TGFA: variants seen among roughly 807,000 people sequenced by gnomAD.
TGFA encodes the protein protransforming growth factor alpha.
Under a neutral mutation model 21.7 loss-of-function variants are expected in TGFA, and 12 were observed. The ratio of observed to expected loss-of-function variants is 0.55; its 90% confidence interval spans 0.35 to 0.90. TGFA has a LOEUF of 0.90. TGFA is among the 40% of genes least tolerant of loss of function. The pLI, the probability that TGFA is intolerant of heterozygous loss-of-function variation, is 0.01. For missense variants in TGFA, 178 were observed against 210.8 expected, an observed-to-expected ratio of 0.84 and a Z score of 0.96; for synonymous variants, 79 against 88.1, an observed-to-expected ratio of 0.90 and a Z score of 0.58.
chr2:70,508,329 C>T (rs1671990837), intron 2 of TGFA, among the ~76,000 whole-genome samples: 1 of 152,224 alleles, frequency 6.6e-6, no homozygotes, highest in African/African-American at 2.4e-5. Context: ...CCTGTAATCC[C>T]AGCTACTGGG....
intron 2 of TGFA, among the ~76,000 whole-genome samples, chr2:70,493,090 T>C (rs1671482372): frequency 6.6e-6 from 1 of 152,234 alleles, no homozygotes; most frequent in South Asian, 2.1e-4. Flanking sequence ...TTGATTATGG[T>C]TCCTGTGCTT....
At chr2:70,466,368 G>A (rs1559103104) in intron 2 of TGFA, among the ~76,000 whole-genome samples, 1 of 152,152 alleles carries the variant, frequency 6.6e-6, no homozygotes, top group South Asian at 2.1e-4. Flanking sequence ...TTAGCCGGGC[G>A]AGGTGACGGG....
intron 1 of TGFA, among the ~76,000 whole-genome samples, chr2:70,527,727 G>A (rs947520953): frequency 5.3e-5 from 8 of 152,188 alleles, no homozygotes; most frequent in African/African-American, 1.9e-4. Context: ...ATGCAGTGGG[G>A]TAAAGCTCTC....
chr2:70,472,049 C>T (rs562452728), intron 2 of TGFA, among the ~76,000 whole-genome samples: 169 of 152,184 alleles, frequency 1.1e-3, no homozygotes, highest in Middle Eastern at 6.8e-3. Flanking sequence ...CTCCCTTTCC[C>T]ACTCTATTGT....
intron 2 of TGFA, among the ~76,000 whole-genome samples, chr2:70,502,781 TTC>T (rs1159167211): frequency 6.6e-6 from 1 of 152,222 alleles, no homozygotes; most frequent in African/African-American, 2.4e-5. Flanking sequence ...TGTTATTGCT[TTC>T]TGTCTTTGTA....
intron 1 of TGFA, among the ~76,000 whole-genome samples, chr2:70,519,300 A>G (rs1302211924): frequency 2.0e-5 from 3 of 152,210 alleles, no homozygotes; most frequent in African/African-American, 7.2e-5. Context: ...GCATAAATAT[A>G]TAAAGAAATG....
chr2:70,513,923 A>C (rs1029682866), intron 2 of TGFA, among the ~76,000 whole-genome samples: 2 of 152,170 alleles, frequency 1.3e-5, no homozygotes, highest in African/African-American at 4.8e-5. Context: ...AGAAATCAGC[A>C]CCATTCACTC....
chr2:70,518,941 T>A (rs528282991), intron 1 of TGFA, among the ~76,000 whole-genome samples: 15 of 152,348 alleles, frequency 9.8e-5, no homozygotes, highest in Middle Eastern at 3.4e-3. Context: ...TGGGATCCTC[T>A]AAGCCAGACT....
chr2:70,496,282 A>T, intron 2 of TGFA, among the ~76,000 whole-genome samples: 1 of 151,986 alleles, frequency 6.6e-6, no homozygotes, highest in East Asian at 1.9e-4. Context: ...GTCATTCGTA[A>T]TCTTCACACT....
intron 2 of TGFA, among the ~76,000 whole-genome samples, chr2:70,473,313 G>A (rs552164900): frequency 6.6e-6 from 1 of 152,178 alleles, no homozygotes; most frequent in Non-Finnish European, 1.5e-5. Flanking sequence ...GCTTAGAGAA[G>A]TAAATGGTCT....
chr2:70,474,171 T>C (rs1670856064), intron 2 of TGFA, among the ~76,000 whole-genome samples: 1 of 152,164 alleles, frequency 6.6e-6, no homozygotes, highest in South Asian at 2.1e-4. Flanking sequence ...CTCCATATTA[T>C]CTCACCAAAC....
chr2:70,537,391 G>A (rs1004100458), intron 1 of TGFA, among the ~76,000 whole-genome samples: 3 of 152,188 alleles, frequency 2.0e-5, no homozygotes, highest in Non-Finnish European at 4.4e-5. Flanking sequence ...TAAATCAAAA[G>A]CTAGAAATGA....
intron 1 of TGFA, among the ~76,000 whole-genome samples, chr2:70,546,268 A>C (rs1673299031): frequency 6.6e-6 from 1 of 152,190 alleles, no homozygotes; most frequent in Non-Finnish European, 1.5e-5. Flanking sequence ...TGCCCTTTTA[A>C]ATTTAGTGTA....
Position 70,522,849 on chromosome 2 carries a change from C to A in TGFA, c.41-7937G>T, listed in dbSNP as rs1258108168. Among the ~76,000 whole-genome samples the A allele has an allele frequency of 2.6e-5, 4 of 152,204 alleles. No individual in the cohort carries two copies. In the East Asian group the frequency reaches 7.7e-4, roughly 29 times the overall value. On this transcript the variant is annotated intron_variant, in intron 1 of 5. Transcript: ENST00000295400. ...ATTCATTCAACAAGTGCTCACTGAG[C>A]ACCTGCTGCACCATTAGCGGGACAT... is the stretch of plus-strand genomic sequence containing the variant.
chr2:70,548,372 C>T (rs1673381320), intron 1 of TGFA, among the ~76,000 whole-genome samples: 1 of 152,180 alleles, frequency 6.6e-6, no homozygotes, highest in African/African-American at 2.4e-5. Flanking sequence ...CAAACCAGAA[C>T]ACAGTGGGGC....
chr2:70,520,814 C>T (rs2103872697), intron 1 of TGFA, among the ~76,000 whole-genome samples: 1 of 152,250 alleles, frequency 6.6e-6, no homozygotes, highest in South Asian at 2.1e-4. Context: ...CCAACCTCCA[C>T]CACTCTCCAC....
chr2:70,516,416 T>A (rs1248662687), intron 1 of TGFA, among the ~76,000 whole-genome samples: 4 of 152,224 alleles, frequency 2.6e-5, no homozygotes, highest in Non-Finnish European at 5.9e-5. Context: ...CGATGTTCCT[T>A]CCAACCTCTG....
Position 70,453,240 on chromosome 2 carries a change from G to A in TGFA, c.453C>T (p.Thr151=), listed in dbSNP as rs535119179. 9.9e-6 allele frequency: 16 copies of A among 1,613,780 alleles called. No individual in the cohort carries two copies. The highest frequency in any genetic ancestry group is 2.2e-5 in the East Asian group (1 of 44,896). The change falls in exon 5 of 6, where the codon ACC becomes ACT. Residue 151 remains threonine, a synonymous_variant. Coordinates refer to ENST00000295400, the MANE Select transcript of TGFA (RefSeq NM_003236.4). Reference sequence around the variant, plus strand: ...TACCTGTTTCTGAGTGGCAGCAAGCGGTTCTTCCCTTCAGGAGGGCGCTGG... The same window carrying A: ...TACCTGTTTCTGAGTGGCAGCAAGCAGTTCTTCCCTTCAGGAGGGCGCTGG... ...EKPSALLKGR[T]ACCHSETVV is the part of the protein sequence containing the mutation.
intron 3 of TGFA, among the ~76,000 whole-genome samples, chr2:70,463,189 A>G (rs1224222396): frequency 6.6e-6 from 1 of 152,220 alleles, no homozygotes; most frequent in Non-Finnish European, 1.5e-5. Context: ...CAACAAGGGT[A>G]ATAATCCCTA....
Sources: allele counts gnomAD v4.1 joint callset (sites outside exome capture counted in the v4.1 genomes callset), GRCh38; gene constraint gnomAD v4.1.1; transcripts MANE v1.5; gene names NCBI Gene and HGNC (gene_info 2026-07-23, HGNC 2026-07-21).